NCKAP5: variants seen among roughly 807,000 people sequenced by gnomAD.
NCKAP5 encodes NCK associated protein 5.
Under a neutral mutation model 167.0 loss-of-function variants are expected in NCKAP5, and 92 were observed. The ratio of observed to expected loss-of-function variants is 0.55; its 90% CI spans 0.47 to 0.66. The LOEUF is 0.66. Among genes scored for constraint, NCKAP5 ranks in the 30% least tolerant of loss-of-function variants. The pLI is 0.00. For missense variants in NCKAP5, 2,378 were observed against 2,315.0 expected, an observed-to-expected ratio of 1.03 and a Z score of -0.56; for synonymous variants, 891 against 877.4, an observed-to-expected ratio of 1.02 and a Z score of -0.27.
chr2:133,579,484 A>G, the NCKAP5 span, among the ~76,000 whole-genome samples: 1 of 152,194 alleles, frequency 6.6e-6, no homozygotes, highest in East Asian at 1.9e-4. Context: ...AGAGACTTTG[A>G]TTTTCTGGCT....
chr2:133,104,897 T>C (rs1008694290), intron 6 of NCKAP5, among the ~76,000 whole-genome samples: 2 of 152,230 alleles, frequency 1.3e-5, no homozygotes, highest in Non-Finnish European at 1.5e-5. Context: ...TAACTGTTAC[T>C]GTATTACCAT....
chr2:133,216,261 T>C (rs893458274), intron 4 of NCKAP5, among the ~76,000 whole-genome samples: 2 of 151,992 alleles, frequency 1.3e-5, no homozygotes, highest in Admixed American at 6.5e-5. Flanking sequence ...ATCCAATAAA[T>C]AATTGGATTT....
chr2:133,173,061 C>A (rs2084315171), intron 5 of NCKAP5, among the ~76,000 whole-genome samples: 1 of 152,080 alleles, frequency 6.6e-6, no homozygotes, highest in South Asian at 2.1e-4. Flanking sequence ...GGTTCAGGAG[C>A]ACTGAGGGCT....
chr2:133,622,036 T>C, the NCKAP5 span, among the ~76,000 whole-genome samples: 2 of 152,012 alleles, frequency 1.3e-5, no homozygotes, highest in African/African-American at 4.8e-5. Flanking sequence ...ACAAAAATCA[T>C]ATGATCATCT....
At chr2:133,532,649 T>A (rs1333869639) in intron 2 of NCKAP5, among the ~76,000 whole-genome samples, 1 of 152,154 alleles carries the variant, frequency 6.6e-6, no homozygotes, top group East Asian at 1.9e-4. Context: ...CAGGAAAATA[T>A]CAGGCCAGGC....
chr2:133,603,049 G>A, the NCKAP5 span, among the ~76,000 whole-genome samples: 1 of 152,120 alleles, frequency 6.6e-6, no homozygotes, highest in African/African-American at 2.4e-5. Flanking sequence ...GAGAGAGAGT[G>A]AAGGGGAGGA....
At chr2:132,933,248 C>G (rs923419775) in intron 8 of NCKAP5, among the ~76,000 whole-genome samples, 3 of 152,048 alleles carry the variant, frequency 2.0e-5, no homozygotes, top group African/African-American at 7.2e-5. Flanking sequence ...CTCACTTTTT[C>G]TATATTTTGC....
chr2:132,870,120 C>A (rs1309697130), intron 9 of NCKAP5, among the ~76,000 whole-genome samples: 5 of 152,090 alleles, frequency 3.3e-5, no homozygotes, highest in Non-Finnish European at 7.4e-5. Flanking sequence ...AGCTAAGGAC[C>A]ACATGTAAAA....
chr2:133,621,969 G>T, the NCKAP5 span, among the ~76,000 whole-genome samples: 1 of 151,820 alleles, frequency 6.6e-6, no homozygotes, highest in Non-Finnish European at 1.5e-5. Context: ...GGGATGCAGG[G>T]GTGGTTTAAT....
intron 6 of NCKAP5, among the ~76,000 whole-genome samples, chr2:133,032,992 C>A (rs2078930280): frequency 6.6e-6 from 1 of 152,164 alleles, no homozygotes; most frequent in Non-Finnish European, 1.5e-5. Flanking sequence ...GATCCAATCA[C>A]TTCCCACCAG....
intron 11 of NCKAP5, among the ~76,000 whole-genome samples, chr2:132,836,441 GT>G (rs575451121): frequency 2.9e-4 from 43 of 146,318 alleles, no homozygotes; most frequent in Admixed American, 7.5e-4. Context: ...TGTTATTGGT[GT>G]TTTTTTTTTC....
chr2:133,177,999 C>T (rs1340494325), intron 5 of NCKAP5, among the ~76,000 whole-genome samples: 2 of 152,174 alleles, frequency 1.3e-5, no homozygotes, highest in African/African-American at 4.8e-5. Flanking sequence ...GCCCTTCTTC[C>T]CATCCCAATA....
Position 132,868,969 on chromosome 2 carries a change from G to A in NCKAP5, c.654C>T (p.Ala218=). 6.5e-7 allele frequency: 1 copy of A among 1,543,516 alleles called. No homozygotes were observed. The highest frequency in any genetic ancestry group is 8.7e-7 in the Non-Finnish European group (1 of 1,145,052). The part of the protein sequence containing the change: ...EQYERCLDEV[A]NQVVQALLTQ... ...TAAGCAGAGCTTGAACAACTTGGTT[G>A]GCTACCTTTAAAAAATAAAGAAAAA... The change falls in exon 10 of 20, where the codon GCC becomes GCT. Residue 218 remains alanine (A), a synonymous_variant. Transcript: ENST00000409261.
intron 3 of NCKAP5, among the ~76,000 whole-genome samples, chr2:133,360,205 G>T (rs551855138): frequency 1.3e-5 from 2 of 152,320 alleles, no homozygotes; most frequent in East Asian, 3.9e-4. Flanking sequence ...GTAGGTAGAA[G>T]TTTCCCAAGC....
chr2:133,181,603 C>CAAAAAAAAAAAAAAAAAAAAAAAAAA (rs34264277), intron 5 of NCKAP5, among the ~76,000 whole-genome samples: 5 of 71,150 alleles, frequency 7.0e-5, no homozygotes, highest in African/African-American at 2.3e-4. Context: ...CCCATCTCTA[C>CAAAAAAAAAAAAAAAAAAAAAAAAAA]AAAAAAAAAA....
At chr2:133,015,781 T>C (rs957056214) in intron 6 of NCKAP5, among the ~76,000 whole-genome samples, 2 of 152,226 alleles carry the variant, frequency 1.3e-5, no homozygotes, top group African/African-American at 2.4e-5. Flanking sequence ...GTCGACACAA[T>C]AGCATGCAGT....
intron 8 of NCKAP5, among the ~76,000 whole-genome samples, chr2:132,944,660 A>G (rs1023573639): frequency 2.6e-5 from 4 of 152,176 alleles, no homozygotes; most frequent in Non-Finnish European, 4.4e-5. Flanking sequence ...AGGGTGTCCA[A>G]TGTGGGCAAA....
At chr2:133,076,751 C>T (rs1271704635) in intron 6 of NCKAP5, among the ~76,000 whole-genome samples, 1 of 152,182 alleles carries the variant, frequency 6.6e-6, no homozygotes, top group East Asian at 1.9e-4. Flanking sequence ...TCAAGGCCAT[C>T]CATGGTCACA....
chr2:132,921,161 G>A (rs1695397635), intron 8 of NCKAP5, among the ~76,000 whole-genome samples: 1 of 151,872 alleles, frequency 6.6e-6, no homozygotes, highest in African/African-American at 2.4e-5. Flanking sequence ...CTAGGTTGAT[G>A]AATCCTCAAA....
Sources: allele counts gnomAD v4.1 joint callset (sites outside exome capture counted in the v4.1 genomes callset), GRCh38; gene constraint gnomAD v4.1.1; transcripts MANE v1.5; gene names NCBI Gene and HGNC (gene_info 2026-07-23, HGNC 2026-07-21).